The following CRB1 variants were observed in gnomAD, a reference collection of about 807,000 sequenced individuals.
The protein encoded by CRB1 is crumbs cell polarity complex component 1.
In CRB1, 83 loss-of-function variants were observed where a neutral mutation model predicts 120.0. The observed-to-expected ratio is 0.69, with a 90% CI of 0.58 to 0.83. The LOEUF (loss-of-function observed/expected upper bound fraction) is 0.83. Among genes scored for constraint, CRB1 ranks in the 40% least tolerant of loss-of-function variants. The pLI is 0.00. For missense variants in CRB1, 1,699 were observed against 1,687.6 expected, an observed-to-expected ratio of 1.01 and a Z score of -0.12; for synonymous variants, 625 against 612.5, an observed-to-expected ratio of 1.02 and a Z score of -0.30.
chr1:197,345,329 G>A (rs1429786596), intron 3 of CRB1, among the ~76,000 whole-genome samples: 4 of 151,994 alleles, frequency 2.6e-5, no homozygotes, highest in Admixed American at 6.6e-5. Flanking sequence ...AGGGAAATGA[G>A]AAGACGCCCG....
the CRB1 span, among the ~76,000 whole-genome samples, chr1:197,252,448 G>A: frequency 6.9e-6 from 1 of 144,634 alleles, no homozygotes; most frequent in African/African-American, 2.5e-5. Context: ...CTCATACTAA[G>A]CTAGAATTAT....
intron 1 of CRB1, among the ~76,000 whole-genome samples, chr1:197,327,744 C>T (rs1341320687): frequency 2.0e-5 from 3 of 152,166 alleles, no homozygotes; most frequent in African/African-American, 7.2e-5. Context: ...TTGCTGGTCT[C>T]AAACCCTAGC....
intron 1 of CRB1, among the ~76,000 whole-genome samples, chr1:197,287,062 T>C (rs979349844): frequency 2.0e-5 from 3 of 151,882 alleles, no homozygotes; most frequent in African/African-American, 7.2e-5. Flanking sequence ...ATTTCAAAAA[T>C]TCATATTTGT....
At chr1:197,291,392 C>A (rs1656172778) in intron 1 of CRB1, among the ~76,000 whole-genome samples, 1 of 151,664 alleles carries the variant, frequency 6.6e-6, no homozygotes, top group South Asian at 2.1e-4. Context: ...TTTAATATTT[C>A]AGTATTTCCT....
rs550394881 is a variant in CRB1 at position 197,449,797 on chromosome 1, T to G, written c.4005+7505T>G. ...TTATTTTGTCTTTAGCTGGGTGACT[T>G]GGAGTGTACGCTACATGGGCATATT... On this transcript the variant is annotated intron_variant, in intron 11 of 11. Transcript: ENST00000367400. Among the ~76,000 whole-genome samples, 6 of 152,280 alleles carry G rather than the reference T, an allele frequency of 3.9e-5. No homozygotes were observed. In the South Asian group the frequency reaches 1.0e-3, roughly 26 times the overall value.
intron 1 of CRB1, among the ~76,000 whole-genome samples, chr1:197,295,659 T>C (rs544882233): frequency 1.3e-5 from 2 of 152,040 alleles, no homozygotes; most frequent in Non-Finnish European, 2.9e-5. Flanking sequence ...ATAGCTGAAA[T>C]ATATTTGAGC....
the CRB1 span, among the ~76,000 whole-genome samples, chr1:197,216,232 T>C: frequency 6.6e-6 from 1 of 152,220 alleles, no homozygotes; most frequent in Admixed American, 6.5e-5. Flanking sequence ...TGCATTCATA[T>C]ACAGGTAATG....
intron 11 of CRB1, among the ~76,000 whole-genome samples, chr1:197,445,078 C>T (rs1414696909): frequency 6.6e-6 from 1 of 152,146 alleles, no homozygotes; most frequent in Non-Finnish European, 1.5e-5. Flanking sequence ...TTGATTACAA[C>T]CCTAATTGTT....
intron 11 of CRB1, among the ~76,000 whole-genome samples, chr1:197,455,370 G>A (rs962100238): frequency 6.6e-6 from 1 of 152,004 alleles, no homozygotes; most frequent in Non-Finnish European, 1.5e-5. Flanking sequence ...TGCTCAAGGA[G>A]AACTTTTGGC....
chr1:197,392,299 TAAAGTGAGAA>T (rs1269862052), intron 5 of CRB1, among the ~76,000 whole-genome samples: 29 of 151,944 alleles, frequency 1.9e-4, no homozygotes, highest in Admixed American at 7.2e-4. Flanking sequence ...TTTCCTTCTT[TAAAGTGAGAA>T]AAGGGCTCAA....
At chr1:197,384,644 A>T (rs1421465446) in intron 5 of CRB1, among the ~76,000 whole-genome samples, 1 of 152,114 alleles carries the variant, frequency 6.6e-6, no homozygotes, top group African/African-American at 2.4e-5. Context: ...AGTCCTCAAC[A>T]TTGACAATAA....
chr1:197,209,841 T>C, the CRB1 span, among the ~76,000 whole-genome samples: 2 of 152,396 alleles, frequency 1.3e-5, no homozygotes, highest in South Asian at 4.1e-4. Flanking sequence ...CCCTGTGATC[T>C]GGACCTTCAG....
intron 1 of CRB1, among the ~76,000 whole-genome samples, chr1:197,311,664 AAGTT>A (rs1657526763): frequency 2.0e-5 from 3 of 150,732 alleles, no homozygotes; most frequent in Non-Finnish European, 4.4e-5. Flanking sequence ...TACCACAATC[AAGTT>A]AGTTAACACA....
the CRB1 span, among the ~76,000 whole-genome samples, chr1:197,240,038 T>C: frequency 1.3e-5 from 2 of 151,910 alleles, no homozygotes; most frequent in Non-Finnish European, 2.9e-5. Context: ...CTCAAATATC[T>C]CCTCTACATT....
upstream of CRB1, among the ~76,000 whole-genome samples, chr1:197,264,256 T>TGTG (rs1654582720): frequency 6.6e-6 from 1 of 152,218 alleles, no homozygotes; most frequent in African/African-American, 2.4e-5. Context: ...GTTGTTTCCC[T>TGTG]TCAGATAATA....
At chr1:197,414,760 T>C (rs1036657355) in intron 5 of CRB1, among the ~76,000 whole-genome samples, 4 of 152,184 alleles carry the variant, frequency 2.6e-5, no homozygotes, top group African/African-American at 7.2e-5. Flanking sequence ...CAACAGATCT[T>C]GTTCTTTGCC....
Position 197,421,304 on chromosome 1 carries a change from C to T in CRB1, c.1476C>T (p.Gly492=). 1 of 1,614,228 alleles carries T rather than the reference C, an allele frequency of 6.2e-7. No individual in the cohort carries two copies. Among genetic ancestry groups the T allele is most frequent in the Non-Finnish European group, 8.5e-7 (1 of 1,180,048 alleles). Reference sequence around the variant, plus strand: ...CCACACTTTCATTTGAGGGCGATGGCTTCCTGTGGGTCAAAAGTGGCTCAG... The same window carrying T: ...CCACACTTTCATTTGAGGGCGATGGTTTCCTGTGGGTCAAAAGTGGCTCAG... The part of the protein sequence containing the change: ...IATTLSFEGD[G]FLWVKSGSVT... Residue 492 remains glycine, a synonymous_variant, in exon 6 of 12, where the codon GGC becomes GGT. Transcript: ENST00000367400.
At chr1:197,245,841 G>A in the CRB1 span, among the ~76,000 whole-genome samples, 1 of 152,094 alleles carries the variant, frequency 6.6e-6, no homozygotes, top group African/African-American at 2.4e-5. Flanking sequence ...ACACCTAAGA[G>A]TGGGTGTCCT....
the CRB1 span, among the ~76,000 whole-genome samples, chr1:197,245,342 T>C: frequency 1.3e-5 from 2 of 152,066 alleles, no homozygotes; most frequent in Non-Finnish European, 2.9e-5. Flanking sequence ...TGCTTTAAAA[T>C]CTTTGTTAGC....
Sources: allele counts gnomAD v4.1 joint callset (sites outside exome capture counted in the v4.1 genomes callset), GRCh38; gene constraint gnomAD v4.1.1; transcripts MANE v1.5; gene names NCBI Gene and HGNC (gene_info 2026-07-23, HGNC 2026-07-21).